The following MTCL1 variants were observed in gnomAD, a reference collection of about 807,000 sequenced individuals.
The protein encoded by MTCL1 is microtubule crosslinking factor 1.
Under a neutral mutation model 141.4 loss-of-function variants are expected in MTCL1, and 79 were observed. The ratio of observed to expected loss-of-function variants is 0.56; its 90% CI spans 0.47 to 0.67. The LOEUF (loss-of-function observed/expected upper bound fraction) is 0.67. MTCL1 is among the 30% of genes least tolerant of loss of function. The pLI is 0.00. For missense variants in MTCL1, 2,177 were observed against 2,113.9 expected (o/e 1.03, Z -0.59); for synonymous variants, 914 against 875.8 (o/e 1.04, Z -0.77).
intron 4 of MTCL1, among the ~76,000 whole-genome samples, chr18:8,769,459 A>G (rs941152471): frequency 4.6e-5 from 7 of 152,230 alleles, no homozygotes; most frequent in African/African-American, 1.2e-4. Flanking sequence ...TCAGAGTACT[A>G]TGTGATAGTA....
intron 11 of MTCL1, 25 bp downstream of exon 10, chr18:8,807,085 G>A (rs776609752): frequency 3.1e-5 from 49 of 1,599,814 alleles, no homozygotes; most frequent in African/African-American, 6.7e-5. Context: ...GGTCTCCCTC[G>A]ATCCTGACTG....
chr18:8,774,253 A>AGTGTGT lies in MTCL1; in HGVS notation c.358-3580_358-3579insGTGTGT, dbSNP rs1568007863. 2.6e-3 allele frequency among the ~76,000 whole-genome samples: 257 copies of AGTGTGT among 100,060 alleles called. 1 individual carries two copies. The highest frequency in any genetic ancestry group is 0.01 in the African/African-American group (242 of 24,040). 65.6% of individuals were successfully genotyped at this position (100,060 alleles called of 152,430 possible). A position where few individuals can be genotyped will look rare whatever the true frequency, so the allele number is the denominator to read the frequency against. On this transcript the variant is annotated intron_variant, in intron 4 of 16. Transcript: ENST00000359865. ...CAAACACATACACACACTCTTTTCGAATGTGTGTGTGTGTGTGTGTGTATT... is the reference window on the plus strand; with the variant it reads ...CAAACACATACACACACTCTTTTCGAGTGTGTATGTGTGTGTGTGTGTGTGTGTATT...
At chr18:8,831,425 G>A (rs1311573878) in intron 16 of MTCL1, 182 bp from the exon 15 acceptor site, 6 of 1,421,264 alleles carry the variant, frequency 4.2e-6, no homozygotes, top group African/African-American at 1.4e-5. Flanking sequence ...CTGATCATTT[G>A]TGTTGAATTC....
In MTCL1 at chr18:8,706,775, GA is replaced by G. The variant is rs912383092; in HGVS notation, c.1053+63del. 5.2e-6 allele frequency: 8 copies of G among 1,530,056 alleles called. No individual in the cohort carries two copies. The African/African-American group carries it at 1.1e-4, about 21-fold the overall frequency. The allele number at this position is 1,530,056 out of a possible 1,614,324, so 94.8% of individuals were successfully genotyped here. ...CCCCGGAGGGCCTGGCTGCGGCGGGGACCCGCCAACCCCTCCTTCCCGGGCC... is the reference window on the plus strand; with the variant it reads ...CCCCGGAGGGCCTGGCTGCGGCGGGGCCCGCCAACCCCTCCTTCCCGGGCC... On this transcript the variant is annotated intron_variant, in intron 1 of 13. Coordinates refer to the MTCL1 transcript ENST00000306329.
rs2096551621 is a variant in MTCL1, at chr18:8,785,875, TG to T, written c.1732-60del. 30 of 1,519,620 alleles carry T rather than the reference TG, an allele frequency of 2.0e-5. No individual in the cohort carries two copies. In the South Asian group the frequency reaches 3.4e-4, roughly 17 times the overall value. 94.1% of individuals were successfully genotyped at this position (1,519,620 alleles called of 1,614,324 possible). On this transcript the variant is annotated intron_variant, in intron 6 of 16. Transcript: ENST00000359865. ...CCTCCACCCTTGTCCTTTGTTTGTT[TG>T]TTTTTTTGTTTAAAATTTTAAAGAA...
chr18:8,791,324 A>G (rs2075718724), intron 7 of MTCL1, among the ~76,000 whole-genome samples: 1 of 151,970 alleles, frequency 6.6e-6, no homozygotes, highest in Non-Finnish European at 1.5e-5. Flanking sequence ...CAGGCTTTGA[A>G]TTGATGTTAC....
chr18:8,831,667 C>T (rs1205962919), exon 17 of MTCL1: 1 of 1,550,594 alleles, frequency 6.4e-7, no homozygotes, highest in Non-Finnish European at 8.7e-7. Context: ...GCCCGAGAGA[C>T]CAGCAAACCG....
chr18:8,810,352 T>TGACAC lies in MTCL1; in HGVS notation c.2605-2624_2605-2620dup, dbSNP rs1477695688. Among the ~76,000 whole-genome samples, 6 of 152,132 alleles carry TGACAC rather than the reference T, an allele frequency of 3.9e-5. No individual in the cohort carries two copies. Among genetic ancestry groups the TGACAC allele is most frequent in the Non-Finnish European group, 8.8e-5 (6 of 68,026 alleles). ...AGACCTGACAGTGCAGGGCCACTGA[T>TGACAC]GACACGAGGTTCCTCAGTAGGCAGG... On this transcript the variant is annotated intron_variant, in intron 11 of 16. Transcript: ENST00000359865. The surrounding 1 kb of genome is among the most constrained non-coding windows in gnomAD (Gnocchi z 5.0).
chr18:8,706,521 C>CGGGGTTTCGG lies in MTCL1; in HGVS notation c.871_880dup (p.Ala294GlyfsTer63), dbSNP rs2096058848. The CGGGGTTTCGG allele has an allele frequency of 1.5e-6, 2 of 1,334,254 alleles. No individual in the cohort carries two copies. The highest frequency in any genetic ancestry group is 1.9e-6 in the Non-Finnish European group (2 of 1,046,536). 82.7% of individuals were successfully genotyped at this position (1,334,254 alleles called of 1,614,324 possible). On this transcript the variant is annotated frameshift_variant, in exon 1 of 14. Coordinates refer to the MTCL1 transcript ENST00000306329. LOFTEE classifies it high-confidence loss of function. ...GTCCCGGGGGCCGGAGCATCCCGAG[C>CGGGGTTTCGG]GGGGTTTCGGGGGGTTTCGCGGGGC...
chr18:8,751,650 G>GAAAAC (rs1454525013), intron 4 of MTCL1, among the ~76,000 whole-genome samples: 6 of 152,340 alleles, frequency 3.9e-5, no homozygotes, highest in African/African-American at 1.4e-4. Flanking sequence ...ATTGGTCTGA[G>GAAAAC]TCACCTGGTC....
Position 8,785,829 on chromosome 18 carries a change from T to C in MTCL1, c.1732-107T>C, listed in dbSNP as rs1385761629. 5 of 1,413,168 alleles carry C rather than the reference T, an allele frequency of 3.5e-6. No homozygotes were observed. The East Asian group carries it at 9.5e-5, about 27-fold the overall frequency. 87.5% of individuals were successfully genotyped at this position (1,413,168 alleles called of 1,614,324 possible). A position where few individuals can be genotyped will look rare whatever the true frequency, so the allele number is the denominator to read the frequency against. ...AGTCGTCTCCCTTGTCCATTTTTGT[T>C]TTCTTTATCCCCCCTCCCTGCCTCC... On this transcript the variant is annotated intron_variant, in intron 6 of 16. Transcript: ENST00000359865.
Position 8,819,024 on chromosome 18 carries a change from A to G in MTCL1, c.2921A>G (p.Asn974Ser), listed in dbSNP as rs752186407. The change falls in exon 13 of 17, where the codon AAC (asparagine) becomes AGC (serine). Residue 974 changes from asparagine (N) to serine (S), a missense_variant. Coordinates refer to ENST00000359865, the Ensembl canonical transcript of MTCL1. ...TTCCTCTGTGATCAAAAAGACGGCA[A>G]CGTTCGCCCCTTTCCCCACCAGGGA... 6 of 1,614,156 alleles carry G rather than the reference A, an allele frequency of 3.7e-6. No homozygotes were observed. In the East Asian group the frequency reaches 8.9e-5, roughly 24 times the overall value.
At chr18:8,815,094 T>C (rs1015659441) in intron 12 of MTCL1, among the ~76,000 whole-genome samples, 9 of 152,108 alleles carry the variant, frequency 5.9e-5, no homozygotes, top group South Asian at 2.1e-4. Context: ...ACTAGAAATA[T>C]CATTTGACCC....
In MTCL1 at chr18:8,772,696, A is replaced by G. The variant is rs188770776; in HGVS notation, c.358-5137A>G. 2.1e-3 allele frequency among the ~76,000 whole-genome samples: 312 copies of G among 151,774 alleles called. 2 individuals are homozygous for G. The highest frequency in any genetic ancestry group is 3.4e-3 in the Non-Finnish European group (232 of 67,906). On this transcript the variant is annotated intron_variant, in intron 4 of 16. Transcript: ENST00000359865. ...AAAAAGTATGTTATATCTTAAATAT[A>G]AATATATTTTAAGCATTTTGAGATC... is the stretch of plus-strand genomic sequence containing the variant.
exon 3 of MTCL1, chr18:8,718,450 G>A (rs767067067): frequency 1.2e-6 from 2 of 1,614,200 alleles, no homozygotes; most frequent in East Asian, 4.5e-5. Context: ...TCCGTGCTGA[G>A]ATGGAAGAGA....
At chr18:8,813,422 A>C (rs958974689) in intron 12 of MTCL1, among the ~76,000 whole-genome samples, 189 bp downstream of exon 11, 1 of 146,420 alleles carries the variant, frequency 6.8e-6, no homozygotes. Context: ...TCCATGACAC[A>C]GATCTTTTCT....
At chr18:8,722,633 C>G (rs552294717) in intron 4 of MTCL1, among the ~76,000 whole-genome samples, 1 of 151,894 alleles carries the variant, frequency 6.6e-6, no homozygotes, top group African/African-American at 2.4e-5. Context: ...AGTGGATCAC[C>G]GTAAAGGTCT....
intron 4 of MTCL1, among the ~76,000 whole-genome samples, chr18:8,754,853 T>C (rs1198349066): frequency 1.3e-5 from 2 of 152,158 alleles, no homozygotes; most frequent in African/African-American, 4.8e-5. Context: ...CTTCAATCTT[T>C]TTGATGGGAA....
At chr18:8,794,661 A>ACT (rs754138402) in intron 8 of MTCL1, among the ~76,000 whole-genome samples, 1 of 151,998 alleles carries the variant, frequency 6.6e-6, no homozygotes, top group South Asian at 2.1e-4. Context: ...AAACTACAGG[A>ACT]CTCTCTAAAT....
Sources: gnomAD v4.1 joint callset for allele counts (sites outside exome capture counted in the v4.1 genomes callset) on GRCh38, gnomAD v4.1.1 for gene constraint, Gnocchi (gnomAD v3.1) non-coding constraint, MANE v1.5 for transcripts, NCBI Gene and HGNC (gene_info 2026-07-23, HGNC 2026-07-21) for gene names.